Variants in SI observed in about 807,000 individuals in gnomAD.
SI encodes sucrase-isomaltase, intestinal.
Under a neutral mutation model 253.3 loss-of-function variants are expected in SI, and 235 were observed. That is an observed-to-expected ratio of 0.93 (90% CI 0.83 to 1.03). The LOEUF (loss-of-function observed/expected upper bound fraction) is 1.03, where lower values mean the gene tolerates loss of function less well. SI is among the 50% of genes least tolerant of loss of function. SI has a pLI of 0.00. For missense variants in SI, 2,442 were observed against 2,211.1 expected (o/e 1.10, Z -2.09); for synonymous variants, 819 against 712.0 (o/e 1.15, Z -2.39).
chr3:165,058,907 A>G, intron 12 of SI, 56 bp downstream of exon 12: 2 of 1,408,754 alleles, frequency 1.4e-6, no homozygotes, highest in Non-Finnish European at 2.0e-6. Context: ...CAGAAACTTT[A>G]TTATTTCAGA....
At chr3:165,050,453 A>T (rs768797874) in intron 13 of SI, among the ~76,000 whole-genome samples, 1 of 152,076 alleles carries the variant, frequency 6.6e-6, no homozygotes. Context: ...AGACCTAAAC[A>T]TCTCTTGAAG....
chr3:165,007,802 A>C (rs530324084), intron 36 of SI, 109 bp downstream of exon 36: 2 of 336,870 alleles, frequency 5.9e-6, no homozygotes, highest in East Asian at 6.6e-5. Flanking sequence ...TATATATTCT[A>C]TATATATATT....
intron 17 of SI, among the ~76,000 whole-genome samples, chr3:165,041,587 C>T (rs533092814): frequency 6.6e-6 from 1 of 152,042 alleles, no homozygotes; most frequent in African/African-American, 2.4e-5. Flanking sequence ...TATCCCATTG[C>T]TATTAGAATT....
intron 7 of SI, among the ~76,000 whole-genome samples, chr3:165,064,875 A>T (rs1395189281): frequency 2.0e-5 from 3 of 152,144 alleles, no homozygotes; most frequent in Non-Finnish European, 4.4e-5. Context: ...GATGCGTGAG[A>T]TAATATCTGG....
Position 165,039,989 on chromosome 3 carries a change from G to C in SI, c.2160-18C>G. Reference sequence around the variant, plus strand: ...CATAAAACCTAAGAACAATGACAATGTTTAAAGTATAATAATGAAAAAATA... The same window carrying C: ...CATAAAACCTAAGAACAATGACAATCTTTAAAGTATAATAATGAAAAAATA... On this transcript the variant is annotated intron_variant, in intron 18 of 47. Coordinates refer to ENST00000264382, the MANE Select transcript of SI (RefSeq NM_001041.4). 1 of 1,578,892 alleles carries C rather than the reference G, an allele frequency of 6.3e-7. No homozygotes were observed. Among genetic ancestry groups the C allele is most frequent in the Non-Finnish European group, 8.7e-7 (1 of 1,148,228 alleles).
chr3:164,994,991 A>G (rs565217535), intron 40 of SI, among the ~76,000 whole-genome samples: 3 of 151,932 alleles, frequency 2.0e-5, no homozygotes, highest in Admixed American at 1.3e-4. Flanking sequence ...TTAGAGTGGA[A>G]GATTAAAAGT....
Position 165,030,786 on chromosome 3 carries a change from T to A in SI, c.2818A>T (p.Arg940Ter). 1 of 1,608,400 alleles carries A rather than the reference T, an allele frequency of 6.2e-7. No individual in the cohort carries two copies. Among genetic ancestry groups the A allele is most frequent in the Non-Finnish European group, 8.5e-7 (1 of 1,176,738 alleles). Residue 940 changes from arginine (R) to a stop codon, truncating the protein, a stop_gained, in exon 25 of 48, where the codon AGA becomes TGA. Transcript: ENST00000264382. LOFTEE classifies it high-confidence loss of function. ...TCTGCATCTGGATAACAATTAAATC[T>A]TTCATTTTCTGAGAAAATTTGATTC... is the stretch of plus-strand genomic sequence containing the variant. ...QWNQIFSENE[R>*]FNCYPDADLA...
chr3:165,012,559 G>T (rs1336085332), intron 34 of SI, among the ~76,000 whole-genome samples: 4 of 151,914 alleles, frequency 2.6e-5, no homozygotes, highest in African/African-American at 7.3e-5. Flanking sequence ...TTTCCGAGTA[G>T]CTGGGTCTAC....
At chr3:164,989,425 A>G (rs1037458231) in intron 44 of SI, among the ~76,000 whole-genome samples, 14 of 146,866 alleles carry the variant, frequency 9.5e-5, no homozygotes, top group African/African-American at 2.8e-4. Flanking sequence ...AGAAAGAAAG[A>G]AAGAAAGAAA....
Position 164,979,397 on chromosome 3 carries a change from T to C in SI, c.5449A>G (p.Thr1817Ala). The C allele has an allele frequency of 6.3e-7, 1 of 1,588,424 alleles. No individual in the cohort carries two copies. The highest frequency in any genetic ancestry group is 8.6e-7 in the Non-Finnish European group (1 of 1,158,150). Reference sequence around the variant, plus strand: ...TTGATTTCTATTGGTTCTTCTAGAGTAACATTGTGTGTGGTCAGATCAATA... The same window carrying C: ...TTGATTTCTATTGGTTCTTCTAGAGCAACATTGTGTGTGGTCAGATCAATA... ...LRIDLTTHNV[T>A]LEEPIEINWS Residue 1817 changes from threonine to alanine, a missense_variant, in exon 48 of 48, where the codon ACT (threonine) becomes GCT (alanine). Coordinates refer to ENST00000264382, the MANE Select transcript of SI (RefSeq NM_001041.4).
Position 164,996,522 on chromosome 3 carries a change from A to C in SI, c.4692+13T>G. The C allele has an allele frequency of 7.8e-7, 1 of 1,277,286 alleles. No individual in the cohort carries two copies. The highest frequency in any genetic ancestry group is 1.1e-6 in the Non-Finnish European group (1 of 873,572). 79.1% of individuals were successfully genotyped at this position (1,277,286 alleles called of 1,614,324 possible). On this transcript the variant is annotated intron_variant, in intron 40 of 47. Transcript: ENST00000264382. ...GTAAGAAAATACTGAAAGTAAATGT[A>C]GTAATTACATACTCTAGTATTTGCA...
chr3:165,004,893 T>C (rs1718428067), intron 37 of SI, among the ~76,000 whole-genome samples: 1 of 152,124 alleles, frequency 6.6e-6, no homozygotes, highest in Non-Finnish European at 1.5e-5. Context: ...AATCCCCACC[T>C]GTCAAGGGAG....
chr3:164,989,946 C>T (rs1053686047), intron 44 of SI, among the ~76,000 whole-genome samples: 1 of 152,042 alleles, frequency 6.6e-6, no homozygotes. Flanking sequence ...AGGTGGCACA[C>T]AAAGGATGTT....
At chr3:165,054,574 C>T (rs768441428) in intron 13 of SI, among the ~76,000 whole-genome samples, 6 of 152,008 alleles carry the variant, frequency 3.9e-5, no homozygotes, top group Admixed American at 3.3e-4. Context: ...GGGCTGGTCT[C>T]GAACTCCTGA....
upstream of SI, among the ~76,000 whole-genome samples, chr3:165,083,326 A>AT (rs763225269): frequency 2.1e-3 from 325 of 151,172 alleles, 2 homozygotes; most frequent in Middle Eastern, 3.4e-3. Flanking sequence ...TCCATAGTAC[A>AT]TTTTTTTTTA....
At chr3:165,019,339 T>C (rs935510734) in intron 28 of SI, among the ~76,000 whole-genome samples, 2 of 151,910 alleles carry the variant, frequency 1.3e-5, no homozygotes, top group Non-Finnish European at 2.9e-5. Flanking sequence ...TGTATGCATT[T>C]GAAACAGTTA....
chr3:165,028,554 A>G (rs1712048023), intron 25 of SI, among the ~76,000 whole-genome samples: 2 of 151,726 alleles, frequency 1.3e-5, no homozygotes, highest in South Asian at 4.1e-4. Flanking sequence ...ATAAAGCCAT[A>G]GTCACCAAAA....
intron 44 of SI, among the ~76,000 whole-genome samples, chr3:164,987,704 T>A (rs1717510777): frequency 6.7e-6 from 1 of 149,748 alleles, no homozygotes; most frequent in Non-Finnish European, 1.5e-5. Context: ...CAAGACTCCA[T>A]CAAAAAAAAA....
chr3:164,987,851 C>G (rs78075465), intron 44 of SI, among the ~76,000 whole-genome samples: 7,350 of 152,230 alleles, frequency 0.048, 605 homozygotes, highest in African/African-American at 0.17. Flanking sequence ...TCATGCTTCT[C>G]TTGGGTAATC....
Sources: allele counts gnomAD v4.1 joint callset (sites outside exome capture counted in the v4.1 genomes callset), GRCh38; gene constraint gnomAD v4.1.1; transcripts MANE v1.5; gene names NCBI Gene and HGNC (gene_info 2026-07-23, HGNC 2026-07-21).